The following MAP3K5 variants were observed in gnomAD, a reference collection of about 807,000 sequenced individuals.
MAP3K5 encodes the protein mitogen-activated protein kinase kinase kinase 5.
MAP3K5 carries 56 observed loss-of-function variants against 158.7 expected under a neutral mutation model. The ratio of observed to expected loss-of-function variants is 0.35; its 90% CI spans 0.28 to 0.44. The LOEUF (loss-of-function observed/expected upper bound fraction) is 0.44, where lower values mean the gene tolerates loss of function less well. Among genes scored for constraint, MAP3K5 ranks in the 20% least tolerant of loss-of-function variants. MAP3K5 has a pLI of 1.00. For synonymous variants in MAP3K5, 579 were observed against 601.7 expected (o/e 0.96, Z 0.55); for missense variants, 1,294 against 1,674.8 (o/e 0.77, Z 3.97).
chr6:136,790,589 T>C (rs1342158535), intron 1 of MAP3K5, among the ~76,000 whole-genome samples: 1 of 152,238 alleles, frequency 6.6e-6, no homozygotes, highest in Non-Finnish European at 1.5e-5. Flanking sequence ...TCTCAAAATA[T>C]TCAGCTTTGG....
chr6:136,757,586 ATTTTTTT>A (rs897486770), intron 1 of MAP3K5, among the ~76,000 whole-genome samples: 25 of 127,830 alleles, frequency 2.0e-4, no homozygotes, highest in African/African-American at 5.0e-4. Context: ...TTTATTTTTT[ATTTTTTT>A]TTTTTTTTTT....
chr6:136,787,342 C>T (rs549494482), intron 1 of MAP3K5, among the ~76,000 whole-genome samples: 23 of 152,342 alleles, frequency 1.5e-4, no homozygotes, highest in African/African-American at 5.1e-4. Context: ...CATTGGTCTG[C>T]CCTCCCCACC....
chr6:136,652,020 A>G (rs1251340807), intron 10 of MAP3K5, among the ~76,000 whole-genome samples: 1 of 152,116 alleles, frequency 6.6e-6, no homozygotes. Context: ...TAATCATTCT[A>G]CTCTACTGCT....
At chr6:136,594,353 T>G (rs1029279023) in intron 21 of MAP3K5, among the ~76,000 whole-genome samples, 1 of 152,166 alleles carries the variant, frequency 6.6e-6, no homozygotes, top group Non-Finnish European at 1.5e-5. Flanking sequence ...CAAACTGCTT[T>G]TGAGTCATTC....
At chr6:136,777,019 T>C (rs1426900691) in intron 1 of MAP3K5, among the ~76,000 whole-genome samples, 1 of 152,182 alleles carries the variant, frequency 6.6e-6, no homozygotes, top group Non-Finnish European at 1.5e-5. Flanking sequence ...TCTAGGATAG[T>C]ATTTCTTTTC....
chr6:136,645,594 T>C (rs2114351773), intron 11 of MAP3K5, among the ~76,000 whole-genome samples: 1 of 152,378 alleles, frequency 6.6e-6, no homozygotes, highest in East Asian at 1.9e-4. Flanking sequence ...TTTTCTTTCA[T>C]TGTACACATG....
At chr6:136,786,379 CAAAAAAA>C (rs11398691) in intron 1 of MAP3K5, among the ~76,000 whole-genome samples, 17 of 81,008 alleles carry the variant, frequency 2.1e-4, no homozygotes, top group African/African-American at 7.3e-4. Context: ...AACTCCATCT[CAAAAAAA>C]AAAAAAAAAA....
At chr6:136,705,088 G>A (rs569242964) in intron 3 of MAP3K5, 22 bp downstream of exon 3, 3 of 1,127,996 alleles carry the variant, frequency 2.7e-6, no homozygotes, top group East Asian at 5.3e-5. Context: ...TAAAACTCTG[G>A]AAGGTTAAAT....
intron 3 of MAP3K5, 52 bp downstream of exon 3, chr6:136,705,058 A>T: frequency 2.3e-6 from 2 of 862,034 alleles, no homozygotes; most frequent in Non-Finnish European, 3.6e-6. Context: ...AAGATTAGTT[A>T]ATGGAAAAGA....
intron 21 of MAP3K5, 54 bp downstream of exon 21, chr6:136,600,968 T>C: frequency 6.3e-7 from 1 of 1,585,690 alleles, no homozygotes. Flanking sequence ...GTCTGGAGTT[T>C]ATCACACCAG....
chr6:136,557,932 A>T (rs1416423788), intron 29 of MAP3K5, 114 bp from the exon 30 acceptor site: 1 of 742,850 alleles, frequency 1.3e-6, no homozygotes, highest in Non-Finnish European at 2.5e-6. Context: ...AAGATCCCAA[A>T]GTCTGATCAG....
At chr6:136,734,511 C>G (rs1782371399) in intron 1 of MAP3K5, among the ~76,000 whole-genome samples, 1 of 150,606 alleles carries the variant, frequency 6.6e-6, no homozygotes, top group Non-Finnish European at 1.5e-5. Context: ...CTATTTTTCT[C>G]CTTGAAATGG....
intron 3 of MAP3K5, among the ~76,000 whole-genome samples, chr6:136,699,857 G>A (rs1214188634): frequency 6.6e-6 from 1 of 152,224 alleles, no homozygotes; most frequent in African/African-American, 2.4e-5. Flanking sequence ...ACTTTGGGAA[G>A]CCAAGGCGGG....
chr6:136,781,764 C>T (rs1347233154), intron 1 of MAP3K5, among the ~76,000 whole-genome samples: 4 of 152,206 alleles, frequency 2.6e-5, no homozygotes, highest in South Asian at 4.1e-4. Context: ...ATCACCCCAA[C>T]CTCAGAGTGA....
Position 136,592,522 on chromosome 6 carries a change from A to G in MAP3K5, c.2971T>C (p.Leu991=). The change falls in exon 22 of 30, where the codon TTG becomes CTG. Residue 991 remains leucine (L), a synonymous_variant. Coordinates refer to ENST00000359015, the MANE Select transcript of MAP3K5 (RefSeq NM_005923.4). ...TTGAAAGAGAAGGGGTCCACTTTCA[A>G]CTCCGTGTCGGGTGAAACTGAGCCG... is the stretch of plus-strand genomic sequence containing the variant. ...EYGSVSPDTE[L]KVDPFSFKTR... is the part of the protein sequence containing the mutation. 1 of 1,612,652 alleles carries G rather than the reference A, an allele frequency of 6.2e-7. No homozygotes were observed. Among genetic ancestry groups the G allele is most frequent in the East Asian group, 2.2e-5 (1 of 44,782 alleles).
At chr6:136,730,189 A>G (rs1356830658) in intron 1 of MAP3K5, among the ~76,000 whole-genome samples, 1 of 149,944 alleles carries the variant, frequency 6.7e-6, no homozygotes, top group Non-Finnish European at 1.5e-5. Flanking sequence ...TGTAGAAACA[A>G]GGTCTCACTA....
intron 10 of MAP3K5, among the ~76,000 whole-genome samples, chr6:136,652,913 C>G (rs1398156348): frequency 6.6e-6 from 1 of 152,090 alleles, no homozygotes; most frequent in East Asian, 1.9e-4. Flanking sequence ...GGAAACAGAC[C>G]AGGGAATGGA....
intron 1 of MAP3K5, among the ~76,000 whole-genome samples, chr6:136,757,579 A>AT (rs776508913): frequency 0.035 from 3,860 of 110,744 alleles, 66 homozygotes; most frequent in Middle Eastern, 0.063. Context: ...TTATTTATTT[A>AT]TTTTTTATTT....
rs1218432248 is a variant in MAP3K5, at chr6:136,637,378, C to T, written c.1963G>A (p.Glu655Lys). 4.3e-6 allele frequency: 7 copies of T among 1,610,784 alleles called. No individual in the cohort carries two copies. Among genetic ancestry groups the T allele is most frequent in the Non-Finnish European group, 4.2e-6 (5 of 1,177,108 alleles). The change falls in exon 14 of 30, where the codon GAA (glutamate) becomes AAA (lysine). Residue 655 changes from glutamate (E) to lysine (K), a missense_variant. Around this residue, in one of 5 missense-constraint regions of MAP3K5, gnomAD observed 690 missense variants for 870.5 expected, o/e 0.79. Transcript: ENST00000359015. Reference sequence around the variant, plus strand: ...TCCTCTGTGCTTCTCCCCTTCTCTTCGGTAATGGTGTTCACCATCTCAAAA... The same window carrying T: ...TCCTCTGTGCTTCTCCCCTTCTCTTTGGTAATGGTGTTCACCATCTCAAAA... ...KFFEMVNTIT[E>K]EKGRSTEEGD...
Sources: allele counts gnomAD v4.1 joint callset (sites outside exome capture counted in the v4.1 genomes callset), GRCh38; gene constraint gnomAD v4.1.1; regional missense constraint gnomAD v4.1.1; transcripts MANE v1.5; gene names NCBI Gene and HGNC (gene_info 2026-07-23, HGNC 2026-07-21).